RASSF7: variants seen among roughly 807,000 people sequenced by gnomAD.
RASSF7 encodes the protein ras association domain-containing protein 7.
RASSF7 carries 41 observed loss-of-function variants against 33.8 expected under a neutral mutation model. The observed-to-expected ratio is 1.21, with a 90% CI of 0.95 to 1.57. The LOEUF is 1.57. RASSF7 is among the 40% of genes most tolerant of loss of function. RASSF7 has a pLI of 0.00. For missense variants in RASSF7, 622 were observed against 497.0 expected, an observed-to-expected ratio of 1.25 and a Z score of -2.39; for synonymous variants, 298 against 212.8, an observed-to-expected ratio of 1.40 and a Z score of -3.48.
chr11:562,683 G>A lies in RASSF7; in HGVS notation c.729G>A (p.Gln243=). 1.3e-6 allele frequency: 2 copies of A among 1,543,932 alleles called. No homozygotes were observed. The highest frequency in any genetic ancestry group is 1.7e-6 in the Non-Finnish European group (2 of 1,146,842). The change falls in exon 3 of 6, where the codon CAG becomes CAA. Residue 243 remains glutamine, a synonymous_variant. Transcript: ENST00000397583. ...CATCTGCCACTGAGCGCCTGCACCA[G>A]GACCTGGCTGTTCAGGAGCGGCAGA... The part of the protein sequence containing the change: ...PMASATERLH[Q]DLAVQERQSA...
chr11:563,628 C>T lies in RASSF7; in HGVS notation c.1105C>T (p.Gln369Ter), dbSNP rs776189466. Reference protein sequence around the residue: ...PAPEWCPLAAQPQAL With the variant: ...PAPEWCPLAA ...CCCAGAGTGGTGTCCTCTGGCAGCC[C>T]AGCCCCAGGCTCTGTGACAGCCTAG... Residue 369 changes from glutamine (Q) to a stop codon, truncating the protein, a stop_gained, in exon 6 of 6, where the codon CAG becomes TAG. Coordinates refer to ENST00000397583, the MANE Select transcript of RASSF7 (RefSeq NM_003475.4). LOFTEE classifies it high-confidence loss of function. 9 of 1,610,748 alleles carry T rather than the reference C, an allele frequency of 5.6e-6. No individual in the cohort carries two copies. The highest frequency in any genetic ancestry group is 1.7e-4 in the Middle Eastern group (1 of 5,874).
chr11:563,095 G>T (rs1853418664), intron 3 of RASSF7, 94 bp from the exon 4 acceptor site: 4 of 1,271,682 alleles, frequency 3.1e-6, no homozygotes, highest in Admixed American at 4.8e-5. Flanking sequence ...AGATATGGGG[G>T]TCACAGGGCC....
At position 561,199 on chromosome 11, in the gene RASSF7, G is replaced by C; in HGVS notation, c.-286G>C. 4.1e-6 allele frequency: 4 copies of C among 985,066 alleles called. No homozygotes were observed. Among genetic ancestry groups the C allele is most frequent in the Non-Finnish European group, 3.6e-6 (3 of 829,834 alleles). 61.0% of individuals were successfully genotyped at this position (985,066 alleles called of 1,614,324 possible). On this transcript the variant is annotated 5_prime_UTR_variant, in exon 1 of 6. Coordinates refer to ENST00000397583, the MANE Select transcript of RASSF7 (RefSeq NM_003475.4). ...AACGGGGACGCCCTGGCTCCCGCCA[G>C]GCTGGGGTCGCGGCGCGGGCTTCGG...
In RASSF7 at chr11:563,198, C is replaced by T. The variant is rs1466926389; in HGVS notation, c.832C>T (p.Gln278Ter). 6.3e-7 allele frequency: 1 copy of T among 1,581,226 alleles called. No individual in the cohort carries two copies. The highest frequency in any genetic ancestry group is 8.6e-7 in the Non-Finnish European group (1 of 1,159,316). The change falls in exon 4 of 6, where the codon CAG becomes TAG. Residue 278 changes from glutamine to a stop codon, truncating the protein, a stop_gained. Transcript: ENST00000397583. LOFTEE classifies it high-confidence loss of function. ...TCTCATGTGTCCCCAGGCTCAGGCT[C>T]AGGAGCTGGAGGAGCTGAACCGAGA... ...AAERALQAQA[Q>*]ELEELNRELR...
chr11:563,115 A>G (rs947939034), intron 3 of RASSF7, 74 bp from the exon 4 acceptor site: 1 of 1,394,292 alleles, frequency 7.2e-7, no homozygotes. Context: ...CCGACCAGGG[A>G]AAGTGCTCCC....
chr11:563,423 TCC>T lies in RASSF7; in HGVS notation c.981_982del (p.Leu328ProfsTer6). 1 of 1,610,762 alleles carries T rather than the reference TCC, an allele frequency of 6.2e-7. No homozygotes were observed. The highest frequency in any genetic ancestry group is 8.5e-7 in the Non-Finnish European group (1 of 1,179,256). On this transcript the variant is annotated frameshift_variant, in exon 5 of 6. Coordinates refer to ENST00000397583, the MANE Select transcript of RASSF7 (RefSeq NM_003475.4). LOFTEE classifies it high-confidence loss of function. ...CCCTCTGCCTCCAGCCAGAGAGGAG[TCC>T]CTCCTGGGCGCTCCCTCTGAGTCCC... ...QGPLPPAREE[S>X]LLGAPSESHA...
In RASSF7 at chr11:561,337, G is replaced by A. The variant is rs1564822352; in HGVS notation, c.-148G>A. 25 of 1,005,018 alleles carry A rather than the reference G, an allele frequency of 2.5e-5. No homozygotes were observed. In the South Asian group the frequency reaches 8.2e-4, roughly 33 times the overall value. 62.3% of individuals were successfully genotyped at this position (1,005,018 alleles called of 1,614,324 possible). A position where few individuals can be genotyped will look rare whatever the true frequency, so the allele number is the denominator to read the frequency against. On this transcript the variant is annotated 5_prime_UTR_variant, in exon 1 of 6. Coordinates refer to ENST00000397583, the MANE Select transcript of RASSF7 (RefSeq NM_003475.4). ...GACCCGGAGTCTGCTCCATCTGCAGGGTCGAGGTCTGGGTTGCGACCCCGA... is the reference window on the plus strand; with the variant it reads ...GACCCGGAGTCTGCTCCATCTGCAGAGTCGAGGTCTGGGTTGCGACCCCGA...
chr11:562,308 T>A lies in RASSF7; in HGVS notation c.354T>A (p.Ala118=). The A allele has an allele frequency of 6.2e-7, 1 of 1,612,136 alleles. No homozygotes were observed. The highest frequency in any genetic ancestry group is 8.5e-7 in the Non-Finnish European group (1 of 1,179,824). ...IRASLPVKPR[A]ALGCEPRKTL... ...CCAGCCTCCCTGTAAAGCCACGGGC[T>A]GCGCTGGGCTGTGAGCCCCGCAAAA... is the stretch of plus-strand genomic sequence containing the variant. The change falls in exon 3 of 6, where the codon GCT becomes GCA. Residue 118 remains alanine, a synonymous_variant. Coordinates refer to ENST00000397583, the MANE Select transcript of RASSF7 (RefSeq NM_003475.4).
At chr11:561,714 C>T (rs888903237) in intron 1 of RASSF7, 48 bp from the exon 2 acceptor site, 28 of 1,608,650 alleles carry the variant, frequency 1.7e-5, no homozygotes, top group Middle Eastern at 1.8e-4. Context: ...GACCAGCCTG[C>T]GATAGGAGTA....
chr11:562,918 T>C (rs1318502829), intron 3 of RASSF7, 142 bp downstream of exon 3: 21 of 773,970 alleles, frequency 2.7e-5, no homozygotes, highest in Middle Eastern at 3.8e-4. Context: ...TGGGCAGATA[T>C]GGGGGTCACA....
chr11:561,405 G>T lies in RASSF7; in HGVS notation c.-80G>T, dbSNP rs1235528962. ...GCAGGTCGGGGTGGGGCGTTCCCAT[G>T]CCGGCGGCCGCGGGGCCTGGCGTGC... is the stretch of plus-strand genomic sequence containing the variant. On this transcript the variant is annotated 5_prime_UTR_variant, in exon 1 of 6. It removes an upstream start codon present in the reference 5' UTR. Transcript: ENST00000397583. 7 of 1,125,964 alleles carry T rather than the reference G, an allele frequency of 6.2e-6. No individual in the cohort carries two copies. Among genetic ancestry groups the T allele is most frequent in the South Asian group, 2.4e-5 (1 of 40,832 alleles). 69.7% of individuals were successfully genotyped at this position (1,125,964 alleles called of 1,614,324 possible).
In RASSF7 at chr11:563,176, CAT is replaced by C. The variant is rs1183817386; in HGVS notation, c.823-12_823-11del. ...CAGTGGCTGTGCCTCCTAAGGATCT[CAT>C]GTGTCCCCAGGCTCAGGCTCAGGAG... On this transcript the variant is annotated splice_polypyrimidine_tract_variant and intron_variant, in intron 3 of 5. Transcript: ENST00000397583. 4 of 1,561,632 alleles carry C rather than the reference CAT, an allele frequency of 2.6e-6. No homozygotes were observed. The highest frequency in any genetic ancestry group is 2.7e-5 in the African/African-American group (2 of 73,966).
Position 561,418 on chromosome 11 carries a change from G to A in RASSF7, c.-67G>A. Reference sequence around the variant, plus strand: ...GGGCGTTCCCATGCCGGCGGCCGCGGGGCCTGGCGTGCGGGCGCCTCCGCG... The same window carrying A: ...GGGCGTTCCCATGCCGGCGGCCGCGAGGCCTGGCGTGCGGGCGCCTCCGCG... On this transcript the variant is annotated 5_prime_UTR_variant, in exon 1 of 6. Coordinates refer to ENST00000397583, the MANE Select transcript of RASSF7 (RefSeq NM_003475.4). 8.8e-7 allele frequency: 1 copy of A among 1,139,196 alleles called. No homozygotes were observed. The highest frequency in any genetic ancestry group is 1.1e-6 in the Non-Finnish European group (1 of 924,138). The allele number at this position is 1,139,196 out of a possible 1,614,324, so 70.6% of individuals were successfully genotyped here.
At position 561,375 on chromosome 11, in the gene RASSF7, C is replaced by G. The variant is rs1057424698; in HGVS notation, c.-110C>G. 63 of 1,066,406 alleles carry G rather than the reference C, an allele frequency of 5.9e-5. No individual in the cohort carries two copies. In the African/African-American group the frequency reaches 8.7e-4, roughly 15 times the overall value. 66.1% of individuals were successfully genotyped at this position (1,066,406 alleles called of 1,614,324 possible). A position where few individuals can be genotyped will look rare whatever the true frequency, so the allele number is the denominator to read the frequency against. ...GTTGCGACCCCGAGCGCCTCTGCGG[C>G]CTGAGCAGGTCGGGGTGGGGCGTTC... On this transcript the variant is annotated 5_prime_UTR_variant, in exon 1 of 6. Coordinates refer to ENST00000397583, the MANE Select transcript of RASSF7 (RefSeq NM_003475.4).
rs1305779165 is a variant in RASSF7 at position 563,757 on chromosome 11, C to G, written c.*112C>G. On this transcript the variant is annotated 3_prime_UTR_variant, in exon 6 of 6. Transcript: ENST00000397583. ...GAAGCCCTGGGTTTGGCCTCAGGAG[C>G]TGGGGGTGCAGTGGGGGACTGCCCT... 1.2e-5 allele frequency: 13 copies of G among 1,059,096 alleles called. No individual in the cohort carries two copies. The highest frequency in any genetic ancestry group is 1.5e-5 in the Non-Finnish European group (11 of 738,868). The allele number at this position is 1,059,096 out of a possible 1,614,324, so 65.6% of individuals were successfully genotyped here.
intron 1 of RASSF7, 137 bp downstream of exon 1, chr11:561,614 C>T (rs1853310440): frequency 1.4e-6 from 2 of 1,405,624 alleles, no homozygotes; most frequent in South Asian, 1.4e-5. Context: ...GTGTGGCTGG[C>T]GGGTGGGGCT....
chr11:561,484 C>A lies in RASSF7; in HGVS notation c.-8+7C>A. On this transcript the variant is annotated splice_region_variant and intron_variant, in intron 1 of 5. Transcript: ENST00000397583. ...GCAGTGTCCTCCGAGCCAGGTGAGG[C>A]GAGTAGGAAATGCTGGATCTGGTTA... is the stretch of plus-strand genomic sequence containing the variant. 3 of 1,304,108 alleles carry A rather than the reference C, an allele frequency of 2.3e-6. No homozygotes were observed. Among genetic ancestry groups the A allele is most frequent in the Non-Finnish European group, 2.9e-6 (3 of 1,019,004 alleles). 80.8% of individuals were successfully genotyped at this position (1,304,108 alleles called of 1,614,324 possible).
chr11:562,816 CT>C (rs1853399016), intron 3 of RASSF7, 40 bp downstream of exon 3: 7 of 1,402,016 alleles, frequency 5.0e-6, no homozygotes, highest in South Asian at 2.9e-5. Flanking sequence ...TCCCCCACCC[CT>C]GATATGGGCA....
Position 562,813 on chromosome 11 carries a change from C to G in RASSF7, c.822+37C>G, listed in dbSNP as rs372070712. On this transcript the variant is annotated intron_variant, in intron 3 of 5. Transcript: ENST00000397583. ...GACCTGATCCCCTGTCACTCCCCCA[C>G]CCCTGATATGGGCAGATACGGGGAT... is the stretch of plus-strand genomic sequence containing the variant. 22 of 1,411,712 alleles carry G rather than the reference C, an allele frequency of 1.6e-5. No individual in the cohort carries two copies. In the African/African-American group the frequency reaches 2.9e-4, roughly 18 times the overall value. The allele number at this position is 1,411,712 out of a possible 1,614,324, so 87.4% of individuals were successfully genotyped here.
Sources: gnomAD v4.1 joint callset for allele counts on GRCh38, gnomAD v4.1.1 for gene constraint, MANE v1.5 for transcripts, NCBI Gene and HGNC (gene_info 2026-07-23, HGNC 2026-07-21) for gene names.